The following SUSD1 variants were observed in gnomAD, a reference collection of about 807,000 sequenced individuals.
The protein encoded by SUSD1 is sushi domain containing 1.
In SUSD1, 65 loss-of-function variants were observed where a neutral mutation model predicts 86.9. The ratio of observed to expected loss-of-function variants is 0.75; its 90% CI spans 0.61 to 0.92. SUSD1 has a LOEUF of 0.92. Ranked by LOEUF, SUSD1 falls within the 40% of genes least tolerant of loss-of-function variation. The pLI is 0.00. For synonymous variants in SUSD1, 346 were observed against 350.0 expected (o/e 0.99, Z 0.13); for missense variants, 850 against 929.7 (o/e 0.91, Z 1.11).
At chr9:112,060,912 G>C (rs1227761978) in intron 13 of SUSD1, among the ~76,000 whole-genome samples, 3 of 152,172 alleles carry the variant, frequency 2.0e-5, no homozygotes, top group Non-Finnish European at 4.4e-5. Flanking sequence ...GTGCCCATTT[G>C]GTTCCGTACA....
chr9:112,117,738 G>A (rs10981264), intron 6 of SUSD1, among the ~76,000 whole-genome samples: 141 of 152,240 alleles, frequency 9.3e-4, no homozygotes, highest in African/African-American at 3.1e-3. Context: ...TCAGGCCCTA[G>A]CACAGTGCCT....
chr9:112,123,597 C>T (rs1192960689), intron 6 of SUSD1, among the ~76,000 whole-genome samples: 2 of 152,048 alleles, frequency 1.3e-5, no homozygotes, highest in South Asian at 2.1e-4. Context: ...ACCTGGAGTT[C>T]GAGACCAGCC....
intron 6 of SUSD1, among the ~76,000 whole-genome samples, chr9:112,115,557 A>C (rs995965073): frequency 3.3e-5 from 5 of 152,178 alleles, no homozygotes; most frequent in Non-Finnish European, 7.4e-5. Context: ...CTGTAATCCT[A>C]GCACTTTGCG....
intron 9 of SUSD1, among the ~76,000 whole-genome samples, chr9:112,099,101 G>A (rs1318957476): frequency 6.6e-6 from 1 of 151,588 alleles, no homozygotes; most frequent in African/African-American, 2.4e-5. Context: ...CCAGGCTGGA[G>A]TGCAGTGGCA....
intron 5 of SUSD1, among the ~76,000 whole-genome samples, chr9:112,124,719 A>G (rs1425667478): frequency 1.3e-5 from 2 of 152,238 alleles, no homozygotes; most frequent in Non-Finnish European, 2.9e-5. Context: ...ACAGTTCTCT[A>G]GTACATTTTA....
chr9:112,151,670 G>A (rs1167114208), intron 2 of SUSD1, among the ~76,000 whole-genome samples: 1 of 151,972 alleles, frequency 6.6e-6, no homozygotes, highest in African/African-American at 2.4e-5. Flanking sequence ...GGGAGGCCAA[G>A]GCAGGCAGAT....
Position 112,157,495 on chromosome 9 carries a change from C to T in SUSD1, c.217+5G>A, listed in dbSNP as rs767664364. Reference sequence around the variant, plus strand: ...TTTCAACTTAACCCAGAGTTCAGAACTTACCAACACACTGAGTCCTCCCGT... The same window carrying T: ...TTTCAACTTAACCCAGAGTTCAGAATTTACCAACACACTGAGTCCTCCCGT... On this transcript the variant is annotated splice_donor_5th_base_variant and intron_variant, in intron 2 of 16. Transcript: ENST00000374270. The T allele has an allele frequency of 3.1e-6, 5 of 1,606,754 alleles. No homozygotes were observed. The Admixed American group carries it at 8.3e-5, about 27-fold the overall frequency.
rs147500005 is a variant in SUSD1, at chr9:112,059,044, G to A, written c.1851-358C>T. ...CTTGACCTCATGATCCACCCGCCTCGGCCTCCCAGAGTGCTGGGATTACAG... is the reference window on the plus strand; with the variant it reads ...CTTGACCTCATGATCCACCCGCCTCAGCCTCCCAGAGTGCTGGGATTACAG... On this transcript the variant is annotated intron_variant, in intron 13 of 16. Transcript: ENST00000374270. 6.3e-3 allele frequency among the ~76,000 whole-genome samples: 961 copies of A among 152,210 alleles called. 15 individuals are homozygous for A. Among genetic ancestry groups the A allele is most frequent in the Middle Eastern group, 0.01 (3 of 294 alleles).
At position 112,122,226 on chromosome 9, in the gene SUSD1, A is replaced by T. The variant is rs772599750; in HGVS notation, c.886+2031T>A. ...CTATCCCCCAGGCTGGAGTACAGGG[A>T]TGTGATCTTGGCTTACGACTGTCTC... On this transcript the variant is annotated intron_variant, in intron 6 of 16. Coordinates refer to ENST00000374270, the MANE Select transcript of SUSD1 (RefSeq NM_022486.5). Among the ~76,000 whole-genome samples the T allele has an allele frequency of 1.8e-4, 27 of 152,212 alleles. No homozygotes were observed. The Middle Eastern group carries it at 0.014, about 77-fold the overall frequency.
rs573461674 is a variant in SUSD1, at chr9:112,086,842, CAAAA to C, written c.1475-6681_1475-6678del. 1.5e-3 allele frequency among the ~76,000 whole-genome samples: 223 copies of C among 148,094 alleles called. 1 individual carries two copies. Among genetic ancestry groups the C allele is most frequent in the African/African-American group, 5.5e-3 (211 of 38,378 alleles). ...TTATCAAAACAAACAAACAAACAAACAAAAAAAACCTTTAAAGAAACTGCATTTC... is the reference window on the plus strand; with the variant it reads ...TTATCAAAACAAACAAACAAACAAACAAAACCTTTAAAGAAACTGCATTTC... On this transcript the variant is annotated intron_variant, in intron 10 of 16. Transcript: ENST00000374270.
At chr9:112,060,891 G>A (rs1165736703) in intron 13 of SUSD1, among the ~76,000 whole-genome samples, 2 of 152,144 alleles carry the variant, frequency 1.3e-5, no homozygotes, top group East Asian at 1.9e-4. Context: ...GAGCAAGGTC[G>A]AGGCTCACCT....
chr9:112,072,752 A>C (rs151094044), intron 12 of SUSD1, among the ~76,000 whole-genome samples: 60 of 152,338 alleles, frequency 3.9e-4, no homozygotes, highest in African/African-American at 1.3e-3. Flanking sequence ...CTGTGGAAGC[A>C]TGGAAGGGCA....
chr9:112,154,392 T>C (rs1833204727), intron 2 of SUSD1, among the ~76,000 whole-genome samples: 2 of 150,544 alleles, frequency 1.3e-5, no homozygotes, highest in Admixed American at 1.3e-4. Flanking sequence ...TGTGTGCCTG[T>C]AGTCCCAGAT....
At chr9:112,153,455 G>T (rs1360649638) in intron 2 of SUSD1, among the ~76,000 whole-genome samples, 1 of 151,938 alleles carries the variant, frequency 6.6e-6, no homozygotes, top group East Asian at 1.9e-4. Flanking sequence ...GCTTTCTTCT[G>T]CAATACATCC....
At chr9:112,138,361 A>G (rs1300022033) in intron 5 of SUSD1, among the ~76,000 whole-genome samples, 1 of 145,534 alleles carries the variant, frequency 6.9e-6, no homozygotes, top group African/African-American at 2.6e-5. Flanking sequence ...CATTTTTCTA[A>G]GCTTATCTGT....
chr9:112,126,177 T>G (rs773915491), intron 5 of SUSD1, among the ~76,000 whole-genome samples: 1 of 152,192 alleles, frequency 6.6e-6, no homozygotes, highest in Non-Finnish European at 1.5e-5. Flanking sequence ...CTGAAACATC[T>G]TCTAATTTAA....
intron 2 of SUSD1, among the ~76,000 whole-genome samples, chr9:112,149,956 G>A (rs1317772943): frequency 6.6e-6 from 1 of 152,236 alleles, no homozygotes; most frequent in Non-Finnish European, 1.5e-5. Flanking sequence ...TAGTCCCTCA[G>A]TGCAGAGGCC....
intron 7 of SUSD1, 104 bp downstream of exon 7, chr9:112,112,666 AC>A: frequency 1.4e-6 from 1 of 729,608 alleles, no homozygotes; most frequent in Non-Finnish European, 2.3e-6. Context: ...AGAAAAAAAA[AC>A]AGCAATTAGA....
At chr9:112,140,719 T>G (rs1248980524) in intron 5 of SUSD1, among the ~76,000 whole-genome samples, 1 of 152,146 alleles carries the variant, frequency 6.6e-6, no homozygotes, top group Non-Finnish European at 1.5e-5. Flanking sequence ...CTTAAACAAA[T>G]TACAGTCATG....
Sources: allele counts gnomAD v4.1 joint callset (sites outside exome capture counted in the v4.1 genomes callset), GRCh38; gene constraint gnomAD v4.1.1; transcripts MANE v1.5; gene names NCBI Gene and HGNC (gene_info 2026-07-23, HGNC 2026-07-21).